CLASP1: variants seen among roughly 807,000 people sequenced by gnomAD.
CLASP1 encodes the protein cytoplasmic linker associated protein 1.
A neutral mutation model predicts 192.3 loss-of-function variants in CLASP1; 38 were observed. That is an observed-to-expected ratio of 0.20 (90% confidence interval 0.15 to 0.26). The LOEUF (loss-of-function observed/expected upper bound fraction) is 0.26, where lower values mean the gene tolerates loss of function less well. Among genes scored for constraint, CLASP1 ranks in the 10% least tolerant of loss-of-function variants. The pLI is 1.00. For missense variants in CLASP1, 1,433 were observed against 1,932.5 expected, an observed-to-expected ratio of 0.74 and a Z score of 4.85; for synonymous variants, 691 against 712.8, an observed-to-expected ratio of 0.97 and a Z score of 0.49.
At chr2:121,503,401 A>G (rs2093825770) in intron 7 of CLASP1, among the ~76,000 whole-genome samples, 167 bp from the exon 8 acceptor site, 1 of 152,232 alleles carries the variant, frequency 6.6e-6, no homozygotes, top group African/African-American at 2.4e-5. Flanking sequence ...ACAATAGCCA[A>G]CAATAACTGA....
At chr2:121,451,369 GAAATAATCACCTTAACATTAAATAGGCT>G (rs1436735316) in intron 15 of CLASP1, among the ~76,000 whole-genome samples, 1 of 152,206 alleles carries the variant, frequency 6.6e-6, no homozygotes, top group Non-Finnish European at 1.5e-5. Context: ...TGGAAACTGT[GAAATAATCACCTTAACATTAAATAGGCT>G]GTCTACATCA....
intron 6 of CLASP1, among the ~76,000 whole-genome samples, chr2:121,520,794 A>G (rs533002139): frequency 2.0e-5 from 3 of 152,172 alleles, no homozygotes; most frequent in South Asian, 4.1e-4. Flanking sequence ...CCTCTGTTAC[A>G]GCCACTGCCC....
chr2:121,468,199 T>C (rs759594858), intron 9 of CLASP1, among the ~76,000 whole-genome samples: 5 of 152,204 alleles, frequency 3.3e-5, no homozygotes, highest in Non-Finnish European at 7.4e-5. Flanking sequence ...GGTAGCCTTA[T>C]AGTATAAAGT....
chr2:121,579,010 A>G (rs1489295652), intron 2 of CLASP1, among the ~76,000 whole-genome samples: 2 of 152,216 alleles, frequency 1.3e-5, no homozygotes, highest in Admixed American at 6.5e-5. Flanking sequence ...CATTTTAAAG[A>G]CAGAATTCAG....
intron 36 of CLASP1, 166 bp downstream of exon 37, chr2:121,364,928 T>C (rs1489894356): frequency 1.4e-6 from 1 of 694,158 alleles, no homozygotes; most frequent in Non-Finnish European, 2.5e-6. Context: ...AAACATGACC[T>C]TACTAAACGT....
intron 1 of CLASP1, among the ~76,000 whole-genome samples, chr2:121,638,678 T>TTA (rs1265848579): frequency 2.6e-5 from 4 of 151,930 alleles, no homozygotes; most frequent in African/African-American, 9.7e-5. Context: ...TTATTTTTTT[T>TTA]TTTTTTGAGA....
intron 19 of CLASP1, among the ~76,000 whole-genome samples, chr2:121,438,927 C>G (rs944647660): frequency 1.2e-4 from 18 of 151,152 alleles, no homozygotes; most frequent in Middle Eastern, 3.4e-3. Context: ...CCTTGTACCT[C>G]TGGTAGAATT....
chr2:121,542,502 G>T (rs1296825193), intron 2 of CLASP1, among the ~76,000 whole-genome samples: 1 of 152,148 alleles, frequency 6.6e-6, no homozygotes, highest in Non-Finnish European at 1.5e-5. Context: ...ACCCCCTCAA[G>T]AAAAGTGTGA....
intron 8 of CLASP1, among the ~76,000 whole-genome samples, chr2:121,474,605 G>A (rs1234543689): frequency 6.6e-6 from 1 of 152,152 alleles, no homozygotes; most frequent in African/African-American, 2.4e-5. Context: ...GCATGGTGGT[G>A]GGTGCCTGTA....
chr2:121,564,921 G>A (rs145321920), intron 2 of CLASP1, among the ~76,000 whole-genome samples: 16 of 152,188 alleles, frequency 1.1e-4, no homozygotes, highest in African/African-American at 3.6e-4. Context: ...GAAGCACTGG[G>A]ACACTGGGAT....
At chr2:121,519,105 G>C (rs907024652) in intron 6 of CLASP1, among the ~76,000 whole-genome samples, 3 of 152,162 alleles carry the variant, frequency 2.0e-5, no homozygotes, top group African/African-American at 7.2e-5. Flanking sequence ...ACTAGCTTTA[G>C]AGTCAAATAT....
chr2:121,447,303 T>C (rs2084541766), intron 19 of CLASP1, 34 bp downstream of exon 19: 1 of 1,560,786 alleles, frequency 6.4e-7, no homozygotes, highest in East Asian at 2.3e-5. Context: ...TGCAGAGCAG[T>C]GCAGGAGGGA....
chr2:121,415,019 A>G (rs560194811), intron 23 of CLASP1, among the ~76,000 whole-genome samples: 16 of 152,210 alleles, frequency 1.1e-4, no homozygotes, highest in Admixed American at 7.9e-4. Context: ...GGCTCAAGCA[A>G]TCTTCCCGCC....
At chr2:121,520,909 A>G (rs934266368) in intron 6 of CLASP1, among the ~76,000 whole-genome samples, 3 of 152,180 alleles carry the variant, frequency 2.0e-5, no homozygotes, top group African/African-American at 4.8e-5. Flanking sequence ...CCATCACACA[A>G]TTCTGTCCCT....
At chr2:121,623,856 A>C (rs1189109044) in intron 1 of CLASP1, among the ~76,000 whole-genome samples, 1 of 152,224 alleles carries the variant, frequency 6.6e-6, no homozygotes, top group Non-Finnish European at 1.5e-5. Flanking sequence ...TGAAACAAAC[A>C]AAAGAGACCT....
chr2:121,343,978 G>A (rs1338980845), intron 39 of CLASP1, among the ~76,000 whole-genome samples: 1 of 152,096 alleles, frequency 6.6e-6, no homozygotes, highest in African/African-American at 2.4e-5. Flanking sequence ...GGCTGAAGCA[G>A]GACAATCGTT....
At chr2:121,396,725 G>A (rs1052793860) in intron 30 of CLASP1, among the ~76,000 whole-genome samples, 1 of 152,154 alleles carries the variant, frequency 6.6e-6, no homozygotes, top group African/African-American at 2.4e-5. Flanking sequence ...ATTGAAAGAC[G>A]TTTGCTCTTT....
At chr2:121,490,419 C>T (rs996143627) in intron 8 of CLASP1, 2 of 285,088 alleles carry the variant, frequency 7.0e-6, no homozygotes, top group African/African-American at 4.6e-5. Context: ...ATGACAACTG[C>T]CACCCTATTC....
rs1190838772 is a variant in CLASP1, at chr2:121,461,158, G to A, written c.975C>T (p.Asn325=). The A allele has an allele frequency of 1.9e-6, 3 of 1,604,658 alleles. No individual in the cohort carries two copies. In the African/African-American group the frequency reaches 4.0e-5, roughly 22 times the overall value. The change falls in exon 11 of 40, where the codon AAC becomes AAT. Residue 325 remains asparagine, a synonymous_variant. Transcript: ENST00000263710. ...CATCAGATAATATTTCCCTAATTTT[G>A]TTTATGGATTCCTCAAGGTCTCGGC...
Sources: allele counts gnomAD v4.1 joint callset (sites outside exome capture counted in the v4.1 genomes callset), GRCh38; gene constraint gnomAD v4.1.1; transcripts MANE v1.5; gene names NCBI Gene and HGNC (gene_info 2026-07-23, HGNC 2026-07-21).